Variants in GNB4 observed in about 807,000 individuals in gnomAD.
GNB4 encodes the protein G protein subunit beta 4.
In GNB4, 28 loss-of-function variants were observed where a neutral mutation model predicts 45.2. The ratio of observed to expected loss-of-function variants is 0.62; its 90% CI spans 0.46 to 0.85. GNB4 has a LOEUF of 0.85. Among genes scored for constraint, GNB4 ranks in the 40% least tolerant of loss-of-function variants. GNB4 has a pLI of 0.00. For synonymous variants in GNB4, 132 were observed against 143.7 expected (o/e 0.92, Z 0.58); for missense variants, 321 against 425.4 (o/e 0.75, Z 2.16).
chr3:179,514,988 A>G, the GNB4 span, among the ~76,000 whole-genome samples: 1 of 152,190 alleles, frequency 6.6e-6, no homozygotes, highest in African/African-American at 2.4e-5. Flanking sequence ...TTCCTTCTCC[A>G]GTTAAATAAG....
the GNB4 span, among the ~76,000 whole-genome samples, chr3:179,500,266 G>A: frequency 1.8e-4 from 28 of 152,160 alleles, no homozygotes; most frequent in Non-Finnish European, 2.2e-4. Flanking sequence ...TGTATAAGGT[G>A]TAAGGAAGGG....
intron 8 of GNB4, among the ~76,000 whole-genome samples, chr3:179,413,121 T>C (rs1246947941): frequency 6.6e-6 from 1 of 151,960 alleles, no homozygotes; most frequent in Non-Finnish European, 1.5e-5. Flanking sequence ...GAGGCTGCAG[T>C]GAGCCGTGAC....
the GNB4 span, among the ~76,000 whole-genome samples, chr3:179,497,186 C>T: frequency 6.6e-6 from 1 of 151,874 alleles, no homozygotes; most frequent in Admixed American, 6.6e-5. Context: ...AATAGTGAGT[C>T]CAGAAGTAAA....
the GNB4 span, among the ~76,000 whole-genome samples, chr3:179,472,184 A>G: frequency 1.3e-5 from 2 of 152,260 alleles, no homozygotes; most frequent in East Asian, 3.9e-4. Context: ...AATTTTATAC[A>G]AAAACATGTA....
chr3:179,471,794 G>A, the GNB4 span, among the ~76,000 whole-genome samples: 1 of 152,160 alleles, frequency 6.6e-6, no homozygotes, highest in South Asian at 2.1e-4. Context: ...ATACTTTGAG[G>A]AGGCAAAATG....
the GNB4 span, among the ~76,000 whole-genome samples, chr3:179,489,003 AAAAAAAAAAAAAAAAAATATATAT>A: frequency 8.1e-5 from 3 of 36,970 alleles, no homozygotes; most frequent in African/African-American, 1.3e-4. Flanking sequence ...AAAAAAAAAA[AAAAAAAAAAAAAAAAAATATATAT>A]ATATATATAT....
the GNB4 span, among the ~76,000 whole-genome samples, chr3:179,467,984 T>C: frequency 7.0e-6 from 1 of 142,574 alleles, no homozygotes; most frequent in African/African-American, 2.6e-5. Flanking sequence ...TGAAATGTGA[T>C]TCCAAGTATG....
chr3:179,524,523 C>T, the GNB4 span, among the ~76,000 whole-genome samples: 9 of 148,278 alleles, frequency 6.1e-5, no homozygotes. Context: ...TAACTCTTCT[C>T]TATTATTGTA....
the GNB4 span, among the ~76,000 whole-genome samples, chr3:179,488,011 A>G: frequency 6.6e-6 from 1 of 151,388 alleles, no homozygotes; most frequent in Non-Finnish European, 1.5e-5. Flanking sequence ...AGATCACACC[A>G]CTGTGCTCCA....
the GNB4 span, among the ~76,000 whole-genome samples, chr3:179,518,952 C>A: frequency 6.6e-6 from 1 of 152,192 alleles, no homozygotes; most frequent in Non-Finnish European, 1.5e-5. Context: ...CTTAATTAAC[C>A]TCGCCTTCAA....
At chr3:179,428,215 A>G (rs1477788724) in intron 1 of GNB4, among the ~76,000 whole-genome samples, 2 of 152,250 alleles carry the variant, frequency 1.3e-5, no homozygotes, top group Non-Finnish European at 2.9e-5. Context: ...TAAGGTATAT[A>G]AAACAGTTCC....
the GNB4 span, among the ~76,000 whole-genome samples, chr3:179,460,514 T>C: frequency 0.17 from 26,016 of 152,124 alleles, 2,414 homozygotes; most frequent in East Asian, 0.32. Context: ...GAAAAAAAAG[T>C]TTGTCATCTT....
chr3:179,461,858 G>A, the GNB4 span, among the ~76,000 whole-genome samples: 1 of 152,212 alleles, frequency 6.6e-6, no homozygotes, highest in Non-Finnish European at 1.5e-5. Flanking sequence ...CAAGGGTGAT[G>A]CATCTGTGTA....
chr3:179,524,583 G>A, the GNB4 span, among the ~76,000 whole-genome samples: 1 of 152,160 alleles, frequency 6.6e-6, no homozygotes, highest in African/African-American at 2.4e-5. Context: ...TTGAGGGCCA[G>A]GATCTAATTT....
chr3:179,457,061 T>G, the GNB4 span, among the ~76,000 whole-genome samples: 1 of 152,304 alleles, frequency 6.6e-6, no homozygotes, highest in East Asian at 1.9e-4. Context: ...CTAAACATGT[T>G]TATTTGTTGG....
At chr3:179,456,481 C>T in the GNB4 span, among the ~76,000 whole-genome samples, 100 of 152,252 alleles carry the variant, frequency 6.6e-4, no homozygotes, top group Non-Finnish European at 1.5e-4. Flanking sequence ...ATTTCATTTA[C>T]GCTAATATGT....
the GNB4 span, among the ~76,000 whole-genome samples, chr3:179,517,363 C>T: frequency 6.6e-6 from 1 of 152,178 alleles, no homozygotes; most frequent in Non-Finnish European, 1.5e-5. Flanking sequence ...CGGCCCCACC[C>T]CTATCTCCCT....
At chr3:179,493,274 AT>A in the GNB4 span, among the ~76,000 whole-genome samples, 1 of 152,192 alleles carries the variant, frequency 6.6e-6, no homozygotes. Context: ...TAGGTTAATT[AT>A]TTTTAAGGAA....
intron 1 of GNB4, among the ~76,000 whole-genome samples, chr3:179,427,898 T>G (rs1715192550): frequency 1.3e-5 from 2 of 152,168 alleles, no homozygotes; most frequent in Non-Finnish European, 2.9e-5. Flanking sequence ...GTTTTTTTCT[T>G]TCTACAGAAT....
Sources: gnomAD v4.1 joint callset for allele counts (sites outside exome capture counted in the v4.1 genomes callset) on GRCh38, gnomAD v4.1.1 for gene constraint, MANE v1.5 for transcripts, NCBI Gene and HGNC (gene_info 2026-07-23, HGNC 2026-07-21) for gene names.